Variants in RFX2 observed in about 807,000 individuals in gnomAD.
RFX2 encodes the protein regulatory factor X2, also known as DNA-binding protein RFX2.
In RFX2, 20 loss-of-function variants were observed where a neutral mutation model predicts 87.8. The ratio of observed to expected loss-of-function variants is 0.23; its 90% CI spans 0.16 to 0.33. The LOEUF is 0.33. RFX2 is among the 10% of genes least tolerant of loss of function. The probability of loss-of-function intolerance (pLI) is 1.00; values close to 1 mark genes in which losing one functional copy is unlikely to be tolerated. For missense variants in RFX2, 767 were observed against 1,012.3 expected (o/e 0.76, Z 3.29); for synonymous variants, 397 against 431.3 (o/e 0.92, Z 0.98).
intron 1 of RFX2, among the ~76,000 whole-genome samples, chr19:6,107,616 C>CAAAAAAAAAAAAAAAAAAAAA (rs1156483792): frequency 1.9e-4 from 6 of 31,556 alleles, no homozygotes; most frequent in African/African-American, 3.7e-4. Flanking sequence ...GACCCTGTCT[C>CAAAAAAAAAAAAAAAAAAAAA]AAAAAAAAAA....
In RFX2 at chr19:6,007,769, G is replaced by A. The variant is rs1194588345; in HGVS notation, c.1168C>T (p.His390Tyr). Residue 390 changes from histidine (H) to tyrosine (Y), a missense_variant, in exon 11 of 18, where the codon CAC (histidine) becomes TAC (tyrosine). By Grantham distance (83) the His-to-Tyr change is moderately conservative (BLOSUM62 2). This residue lies in a region of RFX2 where 621 missense variants were observed against 873.0 expected (regional missense o/e 0.71). Coordinates refer to ENST00000303657, the MANE Select transcript of RFX2 (RefSeq NM_000635.4). The surrounding 1 kb of genome is among the most constrained non-coding windows in gnomAD (Gnocchi z 8.2). ...TVDVVMNLQF[H>Y]YIEKLWLSFW... ...GAGAGCCACAGCTTCTCGATGTAGT[G>A]GAACTGGAGGTTCATCACCACATCT... 6 of 1,554,636 alleles carry A rather than the reference G, an allele frequency of 3.9e-6. No homozygotes were observed. The African/African-American group carries it at 8.2e-5, about 21-fold the overall frequency.
At chr19:6,087,458 A>T (rs1375157656) in intron 1 of RFX2, among the ~76,000 whole-genome samples, 1 of 152,182 alleles carries the variant, frequency 6.6e-6, no homozygotes, top group African/African-American at 2.4e-5. Flanking sequence ...GCCAGAGGCG[A>T]GTAAAGGGAC....
At chr19:6,102,551 A>G (rs1196941918) in intron 1 of RFX2, among the ~76,000 whole-genome samples, 2 of 152,218 alleles carry the variant, frequency 1.3e-5, no homozygotes, top group African/African-American at 4.8e-5. Context: ...AACTTTGCCC[A>G]TGGCCTCCAA....
Position 6,004,173 on chromosome 19 carries a change from G to T in RFX2, c.1500+28C>A. 6 of 1,564,726 alleles carry T rather than the reference G, an allele frequency of 3.8e-6. No homozygotes were observed. Among genetic ancestry groups the T allele is most frequent in the Middle Eastern group, 1.7e-4 (1 of 5,956 alleles). On this transcript the variant is annotated intron_variant, in intron 13 of 17. Transcript: ENST00000303657. This position sits in a 1 kb window ranked among gnomAD's most constrained non-coding sequence, Gnocchi z 4.8. ...CTGGAGCCCCTCCCAGCCATCGTTGGGGAGCCCAGGCCCCACCCCGGACGC... is the reference window on the plus strand; with the variant it reads ...CTGGAGCCCCTCCCAGCCATCGTTGTGGAGCCCAGGCCCCACCCCGGACGC...
chr19:6,019,534 GT>G (rs2086778907), intron 6 of RFX2, among the ~76,000 whole-genome samples: 1 of 146,242 alleles, frequency 6.8e-6, no homozygotes, highest in South Asian at 2.2e-4. Flanking sequence ...GTGTGTGTGT[GT>G]GTGTGTGTGT....
At chr19:6,108,823 C>G (rs547194265) in intron 1 of RFX2, among the ~76,000 whole-genome samples, 11 of 152,278 alleles carry the variant, frequency 7.2e-5, no homozygotes, top group African/African-American at 2.4e-4. Context: ...CGCCGGCAGC[C>G]GCCAGAATGG....
chr19:6,020,891 T>C lies in RFX2; in HGVS notation c.598-4620A>G, dbSNP rs2086802235. Reference sequence around the variant, plus strand: ...GCCACAATCTGTCAGGACAGCACACTTCTTGATGAAATGGATCAAATCATT... The same window carrying C: ...GCCACAATCTGTCAGGACAGCACACCTCTTGATGAAATGGATCAAATCATT... On this transcript the variant is annotated intron_variant, in intron 6 of 17. Transcript: ENST00000303657. The surrounding 1 kb of genome is among the most constrained non-coding windows in gnomAD (Gnocchi z 5.3). Among the ~76,000 whole-genome samples, 1 of 152,244 alleles carries C rather than the reference T, an allele frequency of 6.6e-6. No individual in the cohort carries two copies. Among genetic ancestry groups the C allele is most frequent in the Non-Finnish European group, 1.5e-5 (1 of 68,036 alleles).
chr19:6,007,723 G>A lies in RFX2; in HGVS notation c.1214C>T (p.Ser405Phe). Reference sequence around the variant, plus strand: ...AAGAGAGGTGGGGCCGTCGCTGGAGGAGGCCTTAGAGTTCCAGAAGGAGAG... The same window carrying A: ...AAGAGAGGTGGGGCCGTCGCTGGAGAAGGCCTTAGAGTTCCAGAAGGAGAG... ...LWLSFWNSKA[S>F]SSDGPTSLPA... is the part of the protein sequence containing the mutation. Residue 405 changes from serine (S) to phenylalanine (F), a missense_variant, in exon 11 of 18, where the codon TCC becomes TTC. Around this residue, in one of 2 missense-constraint regions of RFX2, gnomAD observed 621 missense variants for 873.0 expected, o/e 0.71. Transcript: ENST00000303657. The surrounding 1 kb of genome is among the most constrained non-coding windows in gnomAD (Gnocchi z 8.2). The A allele has an allele frequency of 1.3e-6, 2 of 1,555,564 alleles. No individual in the cohort carries two copies. The highest frequency in any genetic ancestry group is 8.7e-7 in the Non-Finnish European group (1 of 1,148,632).
intron 1 of RFX2, among the ~76,000 whole-genome samples, chr19:6,075,335 T>C (rs1466123732): frequency 2.0e-5 from 3 of 151,262 alleles, no homozygotes; most frequent in African/African-American, 4.9e-5. Context: ...CACAGTGGAG[T>C]GTTTGGCTTT....
chr19:6,010,354 G>A lies in RFX2; in HGVS notation c.900-103C>T. ...AGGATTCAGTCAGGCATGTGTGTGT[G>A]ATGTTTACAAGTTGCGGTCAAATAC... On this transcript the variant is annotated intron_variant, in intron 8 of 17. Coordinates refer to ENST00000303657, the MANE Select transcript of RFX2 (RefSeq NM_000635.4). This position sits in a 1 kb window ranked among gnomAD's most constrained non-coding sequence, Gnocchi z 5.0. 2.7e-6 allele frequency: 2 copies of A among 740,384 alleles called. No individual in the cohort carries two copies. Among genetic ancestry groups the A allele is most frequent in the Non-Finnish European group, 4.6e-6 (2 of 433,830 alleles). The allele number at this position is 740,384 out of a possible 1,614,324, so 45.9% of individuals were successfully genotyped here.
At position 6,007,264 on chromosome 19, in the gene RFX2, C is replaced by T; in HGVS notation, c.1248-98G>A. The T allele has an allele frequency of 7.7e-7, 1 of 1,291,160 alleles. No homozygotes were observed. The highest frequency in any genetic ancestry group is 2.4e-5 in the East Asian group (1 of 41,342). 80.0% of individuals were successfully genotyped at this position (1,291,160 alleles called of 1,614,324 possible). A position where few individuals can be genotyped will look rare whatever the true frequency, so the allele number is the denominator to read the frequency against. On this transcript the variant is annotated intron_variant, in intron 11 of 17. Coordinates refer to ENST00000303657, the MANE Select transcript of RFX2 (RefSeq NM_000635.4). The surrounding 1 kb of genome is among the most constrained non-coding windows in gnomAD (Gnocchi z 8.2). ...AGAGCCGGGCTGCGGGACTTTTGCC[C>T]AACAGTGGGGCTGGGGTTTTGCTCC...
At chr19:6,000,632 T>C (rs2086478544) in intron 15 of RFX2, among the ~76,000 whole-genome samples, 1 of 152,268 alleles carries the variant, frequency 6.6e-6, no homozygotes, top group Non-Finnish European at 1.5e-5. Flanking sequence ...CCCCTGCACA[T>C]GCTCTCTTGC....
chr19:6,028,193 A>G (rs2086913927), intron 5 of RFX2, among the ~76,000 whole-genome samples: 1 of 151,232 alleles, frequency 6.6e-6, no homozygotes, highest in African/African-American at 2.5e-5. Context: ...GAATAGGTAC[A>G]CTTTCCAAAT....
rs2087349320 is a variant in RFX2 at position 6,056,799 on chromosome 19, G to C, written c.-8-9295C>G. Among the ~76,000 whole-genome samples the C allele has an allele frequency of 6.6e-6, 1 of 152,156 alleles. No individual in the cohort carries two copies. ...TTTTCTTCCTGTGGCGAGGACCTGG[G>C]CAGTCTTACTTTGACTGCCTTCCCC... On this transcript the variant is annotated intron_variant, in intron 1 of 17. Transcript: ENST00000303657. The surrounding 1 kb of genome is among the most constrained non-coding windows in gnomAD (Gnocchi z 4.6).
At position 6,059,572 on chromosome 19, in the gene RFX2, AC is replaced by A. The variant is rs1599891342; in HGVS notation, c.-8-12069del. Among the ~76,000 whole-genome samples the A allele has an allele frequency of 2.0e-5, 3 of 152,288 alleles. No individual in the cohort carries two copies. The East Asian group carries it at 5.8e-4, about 29-fold the overall frequency. On this transcript the variant is annotated intron_variant, in intron 1 of 17. Coordinates refer to ENST00000303657, the MANE Select transcript of RFX2 (RefSeq NM_000635.4). ...GTCCAACACATTGGAGTGAAAGGTA[AC>A]TGGATACCAAGCTAGAGGCCGAGCA...
rs2087080981 is a variant in RFX2, at chr19:6,039,896, C to T, written c.522+84G>A. 1 of 1,425,056 alleles carries T rather than the reference C, an allele frequency of 7.0e-7. No individual in the cohort carries two copies. Among genetic ancestry groups the T allele is most frequent in the African/African-American group, 1.4e-5 (1 of 69,966 alleles). The allele number at this position is 1,425,056 out of a possible 1,614,324, so 88.3% of individuals were successfully genotyped here. ...GACGACAGCCCCTCCGGGCCTCCGG[C>T]TGCCTCTTACTCACCATCCCTGCTG... On this transcript the variant is annotated intron_variant, in intron 5 of 17. Coordinates refer to ENST00000303657, the MANE Select transcript of RFX2 (RefSeq NM_000635.4). This position sits in a 1 kb window ranked among gnomAD's most constrained non-coding sequence, Gnocchi z 5.2.
chr19:6,010,572 C>T lies in RFX2; in HGVS notation c.900-321G>A, dbSNP rs1453737356. On this transcript the variant is annotated intron_variant, in intron 8 of 17. Coordinates refer to ENST00000303657, the MANE Select transcript of RFX2 (RefSeq NM_000635.4). This position sits in a 1 kb window ranked among gnomAD's most constrained non-coding sequence, Gnocchi z 5.0. ...GCCCCTGGCACCCCTGATCTGACTT[C>T]CCGTCTCTGTGAATCTGACGACTCT... Among the ~76,000 whole-genome samples the T allele has an allele frequency of 6.6e-6, 1 of 152,152 alleles. No individual in the cohort carries two copies. The highest frequency in any genetic ancestry group is 1.5e-5 in the Non-Finnish European group (1 of 68,032).
rs558466034 is a variant in RFX2, at chr19:6,021,726, G to C, written c.597+4437C>G. 1.3e-5 allele frequency among the ~76,000 whole-genome samples: 2 copies of C among 152,382 alleles called. No homozygotes were observed. Among genetic ancestry groups the C allele is most frequent in the Non-Finnish European group, 2.9e-5 (2 of 68,036 alleles). ...AGTGGGAGAGAGCGGGTCCTGCAGG[G>C]CCTTGTGGGCCATTTTGACAACACT... On this transcript the variant is annotated intron_variant, in intron 6 of 17. Coordinates refer to ENST00000303657, the MANE Select transcript of RFX2 (RefSeq NM_000635.4). This position sits in a 1 kb window ranked among gnomAD's most constrained non-coding sequence, Gnocchi z 5.7.
At chr19:6,088,491 T>A (rs2087888764) in intron 1 of RFX2, among the ~76,000 whole-genome samples, 1 of 151,410 alleles carries the variant, frequency 6.6e-6, no homozygotes, top group South Asian at 2.1e-4. Flanking sequence ...GATTCCAGGC[T>A]TGAGTCACCA....
Sources: gnomAD v4.1 joint callset for allele counts (sites outside exome capture counted in the v4.1 genomes callset) on GRCh38, gnomAD v4.1.1 for gene constraint, gnomAD v4.1.1 regional missense constraint, Gnocchi (gnomAD v3.1) non-coding constraint, MANE v1.5 for transcripts, NCBI Gene and HGNC (gene_info 2026-07-23, HGNC 2026-07-21) for gene names.